GOLGA3: variants seen among roughly 807,000 people sequenced by gnomAD.
GOLGA3 encodes the protein golgin A3, also known as golgin subfamily A member 3.
Under a neutral mutation model 169.4 loss-of-function variants are expected in GOLGA3, and 75 were observed. That is an observed-to-expected ratio of 0.44 (90% CI 0.37 to 0.54). The LOEUF is 0.54. Among genes scored for constraint, GOLGA3 ranks in the 20% least tolerant of loss-of-function variants. The probability of loss-of-function intolerance (pLI) is 0.00; values close to 1 mark genes in which losing one functional copy is unlikely to be tolerated. For synonymous variants in GOLGA3, 824 were observed against 822.4 expected, an observed-to-expected ratio of 1.00 and a Z score of -0.03; for missense variants, 1,899 against 1,930.0, an observed-to-expected ratio of 0.98 and a Z score of 0.30.
chr12:132,789,338 G>A, intron 12 of GOLGA3, 48 bp from the exon 13 acceptor site: 1 of 1,491,366 alleles, frequency 6.7e-7, no homozygotes, highest in Non-Finnish European at 8.9e-7. Context: ...CGGGGCGTGG[G>A]GGGCGTACCT....
chr12:132,799,902 G>C (rs1263493835), intron 8 of GOLGA3, among the ~76,000 whole-genome samples: 1 of 152,046 alleles, frequency 6.6e-6, no homozygotes, highest in African/African-American at 2.4e-5. Flanking sequence ...CACCACACCT[G>C]GCTAACTTTT....
chr12:132,799,688 C>T (rs913509722), intron 8 of GOLGA3, among the ~76,000 whole-genome samples: 2 of 151,952 alleles, frequency 1.3e-5, no homozygotes, highest in East Asian at 3.9e-4. Context: ...TGCTTTAAAG[C>T]TTCCTCTCTT....
chr12:132,774,171 G>C lies in GOLGA3; in HGVS notation c.4293C>G (p.Cys1431Trp). ...TACGGTCGTACTTGAGCTGCTGGAG[G>C]CAGCTGTTCAGGTTCTTGAGGGGCT... is the stretch of plus-strand genomic sequence containing the variant. Reference protein sequence around the residue: ...SKEPLKNLNSCLQQLKQEMDS... With the variant: ...SKEPLKNLNSWLQQLKQEMDS... Residue 1431 changes from cysteine (C) to tryptophan (W), a missense_variant, in exon 23 of 24, where the codon TGC becomes TGG. Physicochemically the swap from Cys to Trp is radical, Grantham distance 215. Transcript: ENST00000450791. The C allele has an allele frequency of 6.2e-7, 1 of 1,600,914 alleles. No homozygotes were observed. Among genetic ancestry groups the C allele is most frequent in the South Asian group, 1.1e-5 (1 of 90,286 alleles).
chr12:132,776,231 C>T (rs12810827), intron 21 of GOLGA3, among the ~76,000 whole-genome samples: 17 of 43,314 alleles, frequency 3.9e-4, no homozygotes, highest in East Asian at 1.9e-3. Flanking sequence ...GCACCTCATA[C>T]ACAGGTACCT....
chr12:132,825,176 T>C (rs1219229283), intron 1 of GOLGA3, among the ~76,000 whole-genome samples: 3 of 152,194 alleles, frequency 2.0e-5, no homozygotes, highest in Admixed American at 6.5e-5. Context: ...GGGGTGATTA[T>C]ATGGAACCGA....
At position 132,801,930 on chromosome 12, in the gene GOLGA3, T is replaced by C. The variant is rs1477408015; in HGVS notation, c.1637A>G (p.Gln546Arg). The change falls in exon 8 of 24, where the codon CAG (glutamine) becomes CGG (arginine). Residue 546 changes from glutamine to arginine, a missense_variant. By Grantham distance (43) the Gln-to-Arg change is conservative (BLOSUM62 1). Transcript: ENST00000450791. ...LRQQMTALQS[Q>R]LQQVQLERTT... Reference sequence around the variant, plus strand: ...CCGCTCCAGCTGCACCTGCTGAAGCTGGCTCTGCAAGGCTGTCATCTGCTG... The same window carrying C: ...CCGCTCCAGCTGCACCTGCTGAAGCCGGCTCTGCAAGGCTGTCATCTGCTG... The C allele has an allele frequency of 6.2e-7, 1 of 1,601,180 alleles. No homozygotes were observed. Among genetic ancestry groups the C allele is most frequent in the African/African-American group, 1.3e-5 (1 of 74,946 alleles).
At position 132,804,703 on chromosome 12, in the gene GOLGA3, G is replaced by T; in HGVS notation, c.1597+13C>A. 6.2e-7 allele frequency: 1 copy of T among 1,602,204 alleles called. No individual in the cohort carries two copies. The highest frequency in any genetic ancestry group is 8.5e-7 in the Non-Finnish European group (1 of 1,171,594). ...AGTCAGGGAGGGGAGGGCGTGGCCA[G>T]GGCCAGCCTCACCTGTGTTGTCCTT... is the stretch of plus-strand genomic sequence containing the variant. On this transcript the variant is annotated intron_variant, in intron 7 of 23. Transcript: ENST00000450791. The surrounding 1 kb of genome is among the most constrained non-coding windows in gnomAD (Gnocchi z 4.1).
chr12:132,813,981 C>T (rs1158558422), intron 3 of GOLGA3, among the ~76,000 whole-genome samples: 4 of 151,558 alleles, frequency 2.6e-5, no homozygotes, highest in Admixed American at 2.0e-4. Context: ...GCCTCGGCCT[C>T]CCAAAGTGCT....
chr12:132,783,511 G>GGACGCCGGGAAGCAGGA (rs1243637046), intron 16 of GOLGA3, among the ~76,000 whole-genome samples: 6 of 150,588 alleles, frequency 4.0e-5, no homozygotes, highest in Non-Finnish European at 2.9e-5. Context: ...TGGGGAGTGG[G>GGACGCCGGGAAGCAGGA]GGGCGCCGGG....
chr12:132,799,515 C>T (rs1402263627), intron 8 of GOLGA3, among the ~76,000 whole-genome samples: 3 of 152,166 alleles, frequency 2.0e-5, no homozygotes, highest in Admixed American at 1.3e-4. Flanking sequence ...ATGGTGTTCA[C>T]CTATGTCCCA....
At chr12:132,826,301 C>A (rs1238270754) in intron 1 of GOLGA3, 32 of 783,160 alleles carry the variant, frequency 4.1e-5, no homozygotes, top group Non-Finnish European at 5.0e-5. Context: ...CAGACAGGCA[C>A]CACCACCTGA....
In GOLGA3 at chr12:132,786,497, G is replaced by C. The variant is rs1465353761; in HGVS notation, c.2965C>G (p.Gln989Glu). 3 of 1,613,638 alleles carry C rather than the reference G, an allele frequency of 1.9e-6. No individual in the cohort carries two copies. Among genetic ancestry groups the C allele is most frequent in the Non-Finnish European group, 2.5e-6 (3 of 1,179,952 alleles). ...RRLGSDLTSA[Q>E]KEMKTKHKAY... ...TTATGTTTGGTCTTCATCTCCTTCT[G>C]GGCGCTGGTCAAGTCTGAGCCCAGC... Residue 989 changes from glutamine (Q) to glutamate (E), a missense_variant, in exon 15 of 24, where the codon CAG (glutamine) becomes GAG (glutamate). Transcript: ENST00000450791.
At chr12:132,821,914 G>A (rs370068546) in intron 2 of GOLGA3, 82 bp downstream of exon 2, 132 of 788,504 alleles carry the variant, frequency 1.7e-4, no homozygotes, top group African/African-American at 4.3e-4. Flanking sequence ...TGGTCTCAAC[G>A]CCACATCCTC....
chr12:132,800,267 A>G (rs1162998956), intron 8 of GOLGA3, among the ~76,000 whole-genome samples: 1 of 152,188 alleles, frequency 6.6e-6, no homozygotes, highest in African/African-American at 2.4e-5. Flanking sequence ...AGGCTGAGGA[A>G]GGCGGATCAC....
intron 4 of GOLGA3, among the ~76,000 whole-genome samples, chr12:132,812,045 G>A (rs186941274): frequency 0.01 from 1,512 of 148,280 alleles, 10 homozygotes; most frequent in Non-Finnish European, 0.016. Context: ...AAAAGTAGCC[G>A]GGCATGGTGG....
At chr12:132,823,769 A>G (rs1950308572) in intron 1 of GOLGA3, among the ~76,000 whole-genome samples, 1 of 150,950 alleles carries the variant, frequency 6.6e-6, no homozygotes, top group Admixed American at 6.6e-5. Flanking sequence ...CCTGGGCAAC[A>G]AGAGTGGAAA....
chr12:132,802,659 A>T, intron 7 of GOLGA3, among the ~76,000 whole-genome samples: 1 of 152,292 alleles, frequency 6.6e-6, no homozygotes, highest in Middle Eastern at 3.4e-3. Flanking sequence ...AAGAAAATTT[A>T]AAAAAATAGA....
chr12:132,801,510 C>T (rs1402168880), intron 8 of GOLGA3, among the ~76,000 whole-genome samples: 2 of 152,184 alleles, frequency 1.3e-5, no homozygotes, highest in African/African-American at 2.4e-5. Context: ...GTCACCATGC[C>T]CAGCAAGAGA....
At chr12:132,811,177 T>C (rs1346936702) in intron 4 of GOLGA3, among the ~76,000 whole-genome samples, 7 of 152,154 alleles carry the variant, frequency 4.6e-5, no homozygotes, top group Admixed American at 1.3e-4. Context: ...GGCCACTACC[T>C]GTCTCCACGT....
Sources: allele counts gnomAD v4.1 joint callset (sites outside exome capture counted in the v4.1 genomes callset), GRCh38; gene constraint gnomAD v4.1.1; non-coding constraint Gnocchi (gnomAD v3.1); transcripts MANE v1.5; gene names NCBI Gene and HGNC (gene_info 2026-07-23, HGNC 2026-07-21).